Variants in IL15 observed in about 807,000 individuals in gnomAD.
IL15 encodes interleukin 15.
IL15 carries 11 observed loss-of-function variants against 19.6 expected under a neutral mutation model. The observed-to-expected ratio is 0.56, with a 90% CI of 0.35 to 0.93. IL15 has a LOEUF of 0.93. IL15 is among the 40% of genes least tolerant of loss of function. The pLI is 0.01. For synonymous variants in IL15, 58 were observed against 59.6 expected, an observed-to-expected ratio of 0.97 and a Z score of 0.12; for missense variants, 197 against 186.5, an observed-to-expected ratio of 1.06 and a Z score of -0.33.
chr4:141,669,810 T>C (rs920192117), intron 2 of IL15, among the ~76,000 whole-genome samples: 2 of 151,574 alleles, frequency 1.3e-5, no homozygotes, highest in African/African-American at 2.4e-5. Context: ...TTAATATATA[T>C]TTAAAATGCA....
chr4:141,675,776 G>A (rs1728321535), intron 2 of IL15, among the ~76,000 whole-genome samples: 1 of 152,152 alleles, frequency 6.6e-6, no homozygotes, highest in Non-Finnish European at 1.5e-5. Context: ...AATTTCTGAA[G>A]CTGTAGCTGC....
intron 2 of IL15, among the ~76,000 whole-genome samples, chr4:141,706,022 T>A (rs1473872388): frequency 6.6e-6 from 1 of 151,964 alleles, no homozygotes; most frequent in Non-Finnish European, 1.5e-5. Flanking sequence ...ACTCTCTATC[T>A]TTTAACTGGA....
chr4:141,661,375 C>A (rs1328043325), intron 2 of IL15, among the ~76,000 whole-genome samples: 3 of 152,066 alleles, frequency 2.0e-5, no homozygotes, highest in Non-Finnish European at 2.9e-5. Flanking sequence ...CCATAAGAGG[C>A]AGATCTCAGA....
chr4:141,655,482 A>G (rs973376741), intron 1 of IL15, among the ~76,000 whole-genome samples: 1 of 152,108 alleles, frequency 6.6e-6, no homozygotes, highest in African/African-American at 2.4e-5. Flanking sequence ...TTCAACACAA[A>G]GCTTCATGCG....
intron 4 of IL15, chr4:141,721,321 T>C (rs1730069396): frequency 1.6e-6 from 1 of 634,816 alleles, no homozygotes; most frequent in Non-Finnish European, 2.8e-6. Context: ...TGTCTGGATA[T>C]TAAATTTTAA....
chr4:141,673,032 C>T (rs529967017), intron 2 of IL15, among the ~76,000 whole-genome samples: 17 of 152,292 alleles, frequency 1.1e-4, no homozygotes, highest in South Asian at 1.0e-3. Context: ...CTTTCTTCCT[C>T]ACTAGACTAT....
At chr4:141,645,286 A>C (rs1418000974) in intron 1 of IL15, among the ~76,000 whole-genome samples, 1 of 152,154 alleles carries the variant, frequency 6.6e-6, no homozygotes, top group African/African-American at 2.4e-5. Context: ...CCTTTTGACT[A>C]GTTGGCAAGG....
chr4:141,642,865 C>T (rs926618485), intron 1 of IL15, among the ~76,000 whole-genome samples: 1 of 152,168 alleles, frequency 6.6e-6, no homozygotes, highest in African/African-American at 2.4e-5. Flanking sequence ...TCTACACTTA[C>T]ATTTTGAGTA....
intron 2 of IL15, among the ~76,000 whole-genome samples, chr4:141,674,716 A>G (rs1427422589): frequency 2.0e-5 from 3 of 152,242 alleles, no homozygotes; most frequent in Non-Finnish European, 4.4e-5. Flanking sequence ...ACACAAGATT[A>G]TGTATGCAAT....
At position 141,719,385 on chromosome 4, in the gene IL15, T is replaced by C. The variant is rs2254514; in HGVS notation, c.-80T>C. 550,395 of 722,196 alleles carry C rather than the reference T, an allele frequency of 0.76. 212,165 individuals carry two copies. Among genetic ancestry groups the C allele is most frequent in the East Asian group, 1 (38,745 of 38,830 alleles). The allele number at this position is 722,196 out of a possible 1,614,324, so 44.7% of individuals were successfully genotyped here. A position where few individuals can be genotyped will look rare whatever the true frequency, so the allele number is the denominator to read the frequency against. Reference sequence around the variant, plus strand: ...CCCTAGATTGTATTGTAGGAGGCATTGTGGATGGATGGCTGCTGGAAACCC... The same window carrying C: ...CCCTAGATTGTATTGTAGGAGGCATCGTGGATGGATGGCTGCTGGAAACCC... On this transcript the variant is annotated 5_prime_UTR_variant, in exon 3 of 8. Transcript: ENST00000320650.
At chr4:141,722,096 C>T in intron 5 of IL15, 88 bp downstream of exon 5, 1 of 1,371,168 alleles carries the variant, frequency 7.3e-7, no homozygotes, top group Non-Finnish European at 9.6e-7. Context: ...TTAAGGAAAC[C>T]ACACTTGAAA....
chr4:141,709,589 C>T (rs1210301457), intron 2 of IL15, among the ~76,000 whole-genome samples: 3 of 152,064 alleles, frequency 2.0e-5, no homozygotes, highest in Admixed American at 6.6e-5. Flanking sequence ...AGCTAGTTTA[C>T]TGGCATATCA....
chr4:141,711,175 A>G (rs1441668411), intron 2 of IL15, among the ~76,000 whole-genome samples: 1 of 152,170 alleles, frequency 6.6e-6, no homozygotes, highest in Non-Finnish European at 1.5e-5. Context: ...TTGTATCTCA[A>G]TAAAGTTTAT....
chr4:141,717,104 A>G (rs1264255768), intron 2 of IL15: 1 of 152,192 alleles, frequency 6.6e-6, no homozygotes, highest in Non-Finnish European at 1.5e-5. Flanking sequence ...AACTCGATTA[A>G]CTAGATTTAG....
At chr4:141,674,851 C>A (rs1409475906) in intron 2 of IL15, among the ~76,000 whole-genome samples, 1 of 151,982 alleles carries the variant, frequency 6.6e-6, no homozygotes, top group African/African-American at 2.4e-5. Context: ...AACAAATCAC[C>A]ACAAACTTAG....
intron 1 of IL15, among the ~76,000 whole-genome samples, chr4:141,643,927 TC>T (rs1310364866): frequency 1.3e-5 from 2 of 151,812 alleles, no homozygotes; most frequent in Admixed American, 1.3e-4. Flanking sequence ...TACTGCCATA[TC>T]TGCTTGCTCC....
At chr4:141,646,521 C>A (rs989013428) in intron 1 of IL15, among the ~76,000 whole-genome samples, 2 of 152,078 alleles carry the variant, frequency 1.3e-5, no homozygotes, top group South Asian at 4.1e-4. Flanking sequence ...GACTGATGTA[C>A]TTCAAATTGC....
intron 2 of IL15, among the ~76,000 whole-genome samples, chr4:141,665,629 G>T (rs1727946108): frequency 6.6e-6 from 1 of 152,116 alleles, no homozygotes. Context: ...TAGGAATAAA[G>T]TATGCTTCTC....
At chr4:141,649,402 G>C (rs967316009) in intron 1 of IL15, among the ~76,000 whole-genome samples, 3 of 152,062 alleles carry the variant, frequency 2.0e-5, no homozygotes, top group Non-Finnish European at 4.4e-5. Flanking sequence ...CAGGAAGTGT[G>C]GTGACTGGTG....
Sources: allele counts gnomAD v4.1 joint callset (sites outside exome capture counted in the v4.1 genomes callset), GRCh38; gene constraint gnomAD v4.1.1; transcripts MANE v1.5; gene names NCBI Gene and HGNC (gene_info 2026-07-23, HGNC 2026-07-21).